Variants in PAK5 observed in about 807,000 individuals in gnomAD.
PAK5 encodes the protein p21 (RAC1) activated kinase 5, also known as serine/threonine-protein kinase PAK 5.
Under a neutral mutation model 65.9 loss-of-function variants are expected in PAK5, and 16 were observed. That is an observed-to-expected ratio of 0.24 (90% CI 0.16 to 0.37). The LOEUF (loss-of-function observed/expected upper bound fraction) is 0.37. Among genes scored for constraint, PAK5 ranks in the 10% least tolerant of loss-of-function variants. The pLI is 1.00. For missense variants in PAK5, 785 were observed against 903.9 expected (o/e 0.87, Z 1.69); for synonymous variants, 371 against 354.9 (o/e 1.05, Z -0.51).
At chr20:9,721,524 G>C (rs146970534) in intron 1 of PAK5, among the ~76,000 whole-genome samples, 1 of 151,536 alleles carries the variant, frequency 6.6e-6, no homozygotes, top group Non-Finnish European at 1.5e-5. Context: ...ATGGTGGCTC[G>C]CACCTGTAAT....
chr20:9,657,740 A>T (rs2047288555), intron 2 of PAK5, among the ~76,000 whole-genome samples: 1 of 152,192 alleles, frequency 6.6e-6, no homozygotes, highest in South Asian at 2.1e-4. Context: ...TTCAGCCTTT[A>T]TGGATAAAAA....
At chr20:9,677,564 G>A (rs181724279) in intron 2 of PAK5, among the ~76,000 whole-genome samples, 1 of 152,306 alleles carries the variant, frequency 6.6e-6, no homozygotes, top group East Asian at 1.9e-4. Context: ...CCATTTACTT[G>A]TAGATAAAAG....
chr20:9,838,160 C>A lies in PAK5; in HGVS notation c.-162+602G>T, dbSNP rs1189333659. Among the ~76,000 whole-genome samples, 1 of 151,622 alleles carries A rather than the reference C, an allele frequency of 6.6e-6. No individual in the cohort carries two copies. The highest frequency in any genetic ancestry group is 1.5e-5 in the Non-Finnish European group (1 of 67,988). On this transcript the variant is annotated intron_variant, in intron 1 of 9. Transcript: ENST00000353224. This position sits in a 1 kb window ranked among gnomAD's most constrained non-coding sequence, Gnocchi z 4.5. ...CCACAAGCAGAAGTTCTCTCTCTGT[C>A]TCTCCATTACAACCCACCAGGCGCG...
intron 3 of PAK5, among the ~76,000 whole-genome samples, chr20:9,633,752 A>G (rs2046951619): frequency 6.6e-6 from 1 of 152,210 alleles, no homozygotes; most frequent in Non-Finnish European, 1.5e-5. Flanking sequence ...GTTCTTCTCT[A>G]TCACTTCCTC....
intron 3 of PAK5, among the ~76,000 whole-genome samples, chr20:9,626,755 A>C (rs749742035): frequency 5.9e-5 from 9 of 151,920 alleles, no homozygotes; most frequent in Non-Finnish European, 1.3e-4. Flanking sequence ...GAATTACCTA[A>C]TAAATGGAAT....
At chr20:9,727,643 CATTT>C (rs36094299) in intron 1 of PAK5, among the ~76,000 whole-genome samples, 59,200 of 151,288 alleles carry the variant, frequency 0.39, 11,641 homozygotes, top group South Asian at 0.52. Context: ...CCTTCTCCCC[CATTT>C]ATTTATTTAT....
intron 2 of PAK5, among the ~76,000 whole-genome samples, chr20:9,703,818 G>T (rs1396862559): frequency 2.0e-5 from 3 of 152,106 alleles, no homozygotes; most frequent in East Asian, 3.9e-4. Context: ...CAGTGGATAG[G>T]CTATTTCCCC....
At chr20:9,626,917 C>T (rs369129449) in intron 3 of PAK5, among the ~76,000 whole-genome samples, 18 of 151,938 alleles carry the variant, frequency 1.2e-4, no homozygotes, top group African/African-American at 2.9e-4. Flanking sequence ...TGTATGTGTA[C>T]GCACATGTGT....
At chr20:9,568,963 A>G (rs928121620) in intron 4 of PAK5, among the ~76,000 whole-genome samples, 12 of 152,228 alleles carry the variant, frequency 7.9e-5, no homozygotes, top group Non-Finnish European at 2.9e-5. Flanking sequence ...CTGGAGGTGG[A>G]TCCTCCAGGT....
intron 2 of PAK5, among the ~76,000 whole-genome samples, chr20:9,678,677 T>A (rs959708999): frequency 1.3e-5 from 2 of 151,986 alleles, no homozygotes; most frequent in African/African-American, 4.8e-5. Flanking sequence ...AAACTCACAA[T>A]TATGGCAGAA....
At chr20:9,675,350 G>C (rs1819652028) in intron 2 of PAK5, among the ~76,000 whole-genome samples, 1 of 152,090 alleles carries the variant, frequency 6.6e-6, no homozygotes, top group African/African-American at 2.4e-5. Flanking sequence ...TACAGCTTGG[G>C]GGTGACAAAG....
intron 1 of PAK5, among the ~76,000 whole-genome samples, chr20:9,790,556 A>G (rs1381958897): frequency 6.6e-6 from 1 of 152,158 alleles, no homozygotes; most frequent in Non-Finnish European, 1.5e-5. Context: ...ACCAGGCTGT[A>G]GTACAGTGGC....
intron 1 of PAK5, among the ~76,000 whole-genome samples, chr20:9,755,488 C>T (rs1461058743): frequency 1.3e-5 from 2 of 152,178 alleles, no homozygotes; most frequent in Non-Finnish European, 2.9e-5. Context: ...TTGACCTGCC[C>T]TGCTGGCAGC....
intron 2 of PAK5, among the ~76,000 whole-genome samples, chr20:9,650,951 A>C (rs2047195307): frequency 6.6e-6 from 1 of 152,192 alleles, no homozygotes; most frequent in African/African-American, 2.4e-5. Flanking sequence ...ATAAAGCTTG[A>C]GGTGTTCAAA....
At chr20:9,697,477 G>T (rs563384232) in intron 2 of PAK5, among the ~76,000 whole-genome samples, 1 of 152,030 alleles carries the variant, frequency 6.6e-6, no homozygotes, top group African/African-American at 2.4e-5. Context: ...AAAGACTTTG[G>T]CCCTCTCAGA....
intron 1 of PAK5, among the ~76,000 whole-genome samples, chr20:9,817,203 G>A (rs2049367242): frequency 6.6e-6 from 1 of 152,130 alleles, no homozygotes; most frequent in Non-Finnish European, 1.5e-5. Flanking sequence ...GTTTTTGGCT[G>A]AATTGGAGTC....
At chr20:9,672,970 C>G (rs1466276862) in intron 2 of PAK5, among the ~76,000 whole-genome samples, 1 of 152,130 alleles carries the variant, frequency 6.6e-6, no homozygotes, top group African/African-American at 2.4e-5. Context: ...CCTTCTGACT[C>G]TAAGGTACAG....
intron 1 of PAK5, among the ~76,000 whole-genome samples, chr20:9,776,490 T>G (rs1233640930): frequency 1.3e-5 from 2 of 152,232 alleles, no homozygotes; most frequent in East Asian, 3.8e-4. Context: ...AAGTAGAACT[T>G]AATTTCCCTC....
intron 1 of PAK5, among the ~76,000 whole-genome samples, chr20:9,827,546 C>T (rs1484241874): frequency 6.9e-6 from 1 of 145,940 alleles, no homozygotes; most frequent in Non-Finnish European, 1.5e-5. Context: ...AAGAAGGAAG[C>T]TAAAAAAAAA....
Sources: gnomAD v4.1 joint callset for allele counts (sites outside exome capture counted in the v4.1 genomes callset) on GRCh38, gnomAD v4.1.1 for gene constraint, Gnocchi (gnomAD v3.1) non-coding constraint, MANE v1.5 for transcripts, NCBI Gene and HGNC (gene_info 2026-07-23, HGNC 2026-07-21) for gene names.